The following CCDC30 variants were observed in gnomAD, a reference collection of about 807,000 sequenced individuals.
CCDC30 encodes the protein coiled-coil domain containing 30, also known as coiled-coil domain-containing protein 30.
A neutral mutation model predicts 100.2 loss-of-function variants in CCDC30; 70 were observed. The ratio of observed to expected loss-of-function variants is 0.70; its 90% CI spans 0.58 to 0.85. The LOEUF (loss-of-function observed/expected upper bound fraction) is 0.85, where lower values mean the gene tolerates loss of function less well. CCDC30 is among the 40% of genes least tolerant of loss of function. The probability of loss-of-function intolerance (pLI) is 0.00; values close to 1 mark genes in which losing one functional copy is unlikely to be tolerated. For missense variants in CCDC30, 652 were observed against 771.2 expected (o/e 0.85, Z 1.83); for synonymous variants, 233 against 269.5 (o/e 0.86, Z 1.33).
chr1:42,615,595 G>A (rs7542035), intron 11 of CCDC30, among the ~76,000 whole-genome samples: 1,836 of 152,010 alleles, frequency 0.012, 32 homozygotes, highest in African/African-American at 0.042. Flanking sequence ...GAGCCACCGC[G>A]CCCGGCCAAG....
At chr1:42,532,970 T>A (rs1644829794) in intron 6 of CCDC30, among the ~76,000 whole-genome samples, 1 of 152,034 alleles carries the variant, frequency 6.6e-6, no homozygotes, top group Non-Finnish European at 1.5e-5. Context: ...GGCGTTTCAC[T>A]GTGGTATCGA....
At chr1:42,600,444 C>A (rs1364068669) in intron 10 of CCDC30, among the ~76,000 whole-genome samples, 1 of 152,106 alleles carries the variant, frequency 6.6e-6, no homozygotes, top group African/African-American at 2.4e-5. Context: ...CATAAACCAG[C>A]CAGATATAGT....
chr1:42,551,569 G>A (rs1645252686), intron 6 of CCDC30, among the ~76,000 whole-genome samples: 1 of 152,018 alleles, frequency 6.6e-6, no homozygotes, highest in Admixed American at 6.6e-5. Context: ...ATTTTTGGCT[G>A]ATAGTCTGCT....
intron 6 of CCDC30, among the ~76,000 whole-genome samples, chr1:42,542,293 G>A (rs368414449): frequency 2.0e-5 from 3 of 152,250 alleles, no homozygotes; most frequent in Admixed American, 6.5e-5. Context: ...AATGCTTTGT[G>A]TTAGTGTCAC....
At chr1:42,611,177 G>T in intron 11 of CCDC30, 87 bp downstream of exon 15, 1 of 679,284 alleles carries the variant, frequency 1.5e-6, no homozygotes. Context: ...ATGGTGGGCT[G>T]CTCACTGAAG....
intron 6 of CCDC30, among the ~76,000 whole-genome samples, chr1:42,502,726 C>T (rs768070783): frequency 1.2e-4 from 19 of 152,192 alleles, no homozygotes; most frequent in Non-Finnish European, 1.9e-4. Flanking sequence ...CTGGCAACCA[C>T]TAAAGTACTT....
Position 42,653,532 on chromosome 1 carries a change from G to A in CCDC30, c.1922+89G>A, listed in dbSNP as rs577395254. ...AGTCATGGCTGCCTAACTAGTCCTG[G>A]ATTGCTGGCTTGAGAAGGCATAGCT... is the stretch of plus-strand genomic sequence containing the variant. On this transcript the variant is annotated intron_variant, in intron 16 of 16. Transcript: ENST00000668663. 8.4e-5 allele frequency: 71 copies of A among 845,388 alleles called. No individual in the cohort carries two copies. In the African/African-American group the frequency reaches 9.0e-4, roughly 11 times the overall value. The allele number at this position is 845,388 out of a possible 1,614,324, so 52.4% of individuals were successfully genotyped here.
chr1:42,565,801 G>A (rs1411041763), intron 6 of CCDC30, among the ~76,000 whole-genome samples: 1 of 152,106 alleles, frequency 6.6e-6, no homozygotes, highest in Admixed American at 6.5e-5. Flanking sequence ...TGTTTTATGG[G>A]AGTGTGTTTA....
chr1:42,508,471 T>C (rs997314785), intron 6 of CCDC30, among the ~76,000 whole-genome samples: 2 of 152,216 alleles, frequency 1.3e-5, no homozygotes, highest in African/African-American at 4.8e-5. Flanking sequence ...ATAACTTCTA[T>C]TAGCCATCCC....
intron 1 of CCDC30, among the ~76,000 whole-genome samples, chr1:42,474,752 C>T (rs546350281): frequency 6.6e-6 from 1 of 152,176 alleles, no homozygotes; most frequent in Non-Finnish European, 1.5e-5. Flanking sequence ...TGCTTCTTCA[C>T]CTCCAAAGTG....
intron 6 of CCDC30, among the ~76,000 whole-genome samples, chr1:42,503,496 C>G (rs906297899): frequency 6.8e-6 from 1 of 147,636 alleles, no homozygotes; most frequent in African/African-American, 2.5e-5. Flanking sequence ...CTTGTCACCC[C>G]ACCCTAATCT....
intron 6 of CCDC30, among the ~76,000 whole-genome samples, chr1:42,565,863 C>G (rs1010228629): frequency 6.6e-6 from 1 of 151,856 alleles, no homozygotes; most frequent in Non-Finnish European, 1.5e-5. Context: ...AGGCTAGAAA[C>G]TTAAGGTCTC....
At chr1:42,483,414 A>C (rs1643998013) in intron 3 of CCDC30, among the ~76,000 whole-genome samples, 1 of 152,218 alleles carries the variant, frequency 6.6e-6, no homozygotes, top group Non-Finnish European at 1.5e-5. Context: ...AGAATTACTG[A>C]ATCAAAGGGC....
chr1:42,646,216 A>G, exon 15 of CCDC30: 1 of 1,574,036 alleles, frequency 6.4e-7, no homozygotes, highest in Non-Finnish European at 8.6e-7. Flanking sequence ...ACAGAAAGAA[A>G]TATACAGCAC....
chr1:42,482,795 G>A, exon 3 of CCDC30: 1 of 1,233,886 alleles, frequency 8.1e-7, no homozygotes, highest in East Asian at 3.2e-5. Context: ...ACAAGTGAAG[G>A]AGAAGGAACA....
chr1:42,545,186 A>AT (rs1645102543), intron 6 of CCDC30, among the ~76,000 whole-genome samples: 1 of 126,046 alleles, frequency 7.9e-6, no homozygotes. Context: ...AAAAAAAAAA[A>AT]AAGGGAATTT....
At chr1:42,536,051 A>C (rs1481011942) in intron 6 of CCDC30, among the ~76,000 whole-genome samples, 1 of 151,844 alleles carries the variant, frequency 6.6e-6, no homozygotes, top group East Asian at 1.9e-4. Context: ...TAGGGGTCCT[A>C]GGAAAACAAA....
At chr1:42,650,585 AAC>A (rs1648267816) in intron 15 of CCDC30, among the ~76,000 whole-genome samples, 1 of 151,452 alleles carries the variant, frequency 6.6e-6, no homozygotes, top group African/African-American at 2.4e-5. Context: ...CTGGCATTAA[AAC>A]AGACACATTG....
chr1:42,523,019 AG>A, intron 6 of CCDC30, among the ~76,000 whole-genome samples: 1 of 152,090 alleles, frequency 6.6e-6, no homozygotes, highest in East Asian at 1.9e-4. Context: ...TAGTAGAGAC[AG>A]GCTTTCACCA....
Sources: allele counts gnomAD v4.1 joint callset (sites outside exome capture counted in the v4.1 genomes callset), GRCh38; gene constraint gnomAD v4.1.1; transcripts MANE v1.5; gene names NCBI Gene and HGNC (gene_info 2026-07-23, HGNC 2026-07-21).